Variants in RPS6KC1 observed in about 807,000 individuals in gnomAD.
The protein encoded by RPS6KC1 is ribosomal protein S6 kinase C1.
Under a neutral mutation model 103.8 loss-of-function variants are expected in RPS6KC1, and 54 were observed. That is an observed-to-expected ratio of 0.52 (90% CI 0.42 to 0.65). RPS6KC1 has a LOEUF of 0.65. RPS6KC1 is among the 30% of genes least tolerant of loss of function. RPS6KC1 has a pLI of 0.00. For missense variants in RPS6KC1, 1,151 were observed against 1,253.8 expected, an observed-to-expected ratio of 0.92 and a Z score of 1.24; for synonymous variants, 439 against 438.7, an observed-to-expected ratio of 1.00 and a Z score of -0.01.
Position 213,221,901 on chromosome 1 carries a change from A to G in RPS6KC1, c.1045-8596A>G, listed in dbSNP as rs577727703. 5.3e-5 allele frequency among the ~76,000 whole-genome samples: 8 copies of G among 152,334 alleles called. No homozygotes were observed. In the South Asian group the frequency reaches 1.7e-3, roughly 32 times the overall value. ...AGAAGAGATGTGGATTTTAAGTACAATCTTCATATAATTCTGGTAGATTTG... is the reference window on the plus strand; with the variant it reads ...AGAAGAGATGTGGATTTTAAGTACAGTCTTCATATAATTCTGGTAGATTTG... On this transcript the variant is annotated intron_variant, in intron 8 of 14. Transcript: ENST00000366960.
the RPS6KC1 span, among the ~76,000 whole-genome samples, chr1:213,285,568 C>T: frequency 6.6e-6 from 1 of 152,038 alleles, no homozygotes; most frequent in Non-Finnish European, 1.5e-5. Flanking sequence ...TATGCTCTGA[C>T]CATGTAATAG....
At chr1:213,858,699 T>C in the RPS6KC1 span, among the ~76,000 whole-genome samples, 1 of 152,318 alleles carries the variant, frequency 6.6e-6, no homozygotes, top group South Asian at 2.1e-4. Context: ...CTATGGCATT[T>C]GGCAGTGGCT....
At chr1:213,490,820 G>A in the RPS6KC1 span, among the ~76,000 whole-genome samples, 1 of 152,172 alleles carries the variant, frequency 6.6e-6, no homozygotes, top group Admixed American at 6.5e-5. Context: ...GATTGAGGAG[G>A]GGAGTGTTCT....
chr1:213,342,425 G>A, the RPS6KC1 span, among the ~76,000 whole-genome samples: 1 of 152,292 alleles, frequency 6.6e-6, no homozygotes, highest in Non-Finnish European at 1.5e-5. Flanking sequence ...GTAGGCAACA[G>A]CAGTATTTGG....
At chr1:213,177,157 T>A (rs1386341032) in intron 8 of RPS6KC1, among the ~76,000 whole-genome samples, 1 of 152,192 alleles carries the variant, frequency 6.6e-6, no homozygotes, top group Non-Finnish European at 1.5e-5. Flanking sequence ...TATCTGCCAT[T>A]GTGTATGTGC....
chr1:213,245,966 C>T (rs2094447730), intron 12 of RPS6KC1, among the ~76,000 whole-genome samples: 2 of 152,182 alleles, frequency 1.3e-5, no homozygotes, highest in South Asian at 4.1e-4. Flanking sequence ...GTTTCTATAA[C>T]AAAACTGAGA....
At chr1:213,249,897 A>G (rs2094515745) in intron 12 of RPS6KC1, among the ~76,000 whole-genome samples, 1 of 152,208 alleles carries the variant, frequency 6.6e-6, no homozygotes, top group Non-Finnish European at 1.5e-5. Context: ...AGTGAAATTA[A>G]GGAGTTTTGA....
At chr1:213,179,610 C>G (rs929893388) in intron 8 of RPS6KC1, among the ~76,000 whole-genome samples, 7 of 152,104 alleles carry the variant, frequency 4.6e-5, no homozygotes, top group Non-Finnish European at 8.8e-5. Flanking sequence ...TCCTACAGAA[C>G]ACAGTTTCTT....
At chr1:213,494,116 T>C in the RPS6KC1 span, among the ~76,000 whole-genome samples, 2 of 152,056 alleles carry the variant, frequency 1.3e-5, no homozygotes, top group Non-Finnish European at 1.5e-5. Context: ...AATATGAAGT[T>C]ATACACATTA....
chr1:213,481,912 T>C, the RPS6KC1 span, among the ~76,000 whole-genome samples: 1 of 152,162 alleles, frequency 6.6e-6, no homozygotes, highest in Non-Finnish European at 1.5e-5. Flanking sequence ...ATGAATGGTT[T>C]GGCACCATCC....
chr1:213,536,540 A>C, the RPS6KC1 span, among the ~76,000 whole-genome samples: 2 of 152,212 alleles, frequency 1.3e-5, no homozygotes, highest in African/African-American at 4.8e-5. Flanking sequence ...GTGAGCCTTC[A>C]GCAAATACTG....
At chr1:213,781,265 G>C in the RPS6KC1 span, among the ~76,000 whole-genome samples, 1 of 152,210 alleles carries the variant, frequency 6.6e-6, no homozygotes, top group Non-Finnish European at 1.5e-5. Flanking sequence ...GCAGGGGAAT[G>C]AGAAAAAGGA....
the RPS6KC1 span, among the ~76,000 whole-genome samples, chr1:213,675,222 C>T: frequency 6.6e-6 from 1 of 152,112 alleles, no homozygotes; most frequent in East Asian, 1.9e-4. Flanking sequence ...TAAATTCTTT[C>T]CAAAGGCCAA....
In RPS6KC1 at chr1:213,273,661, T is replaced by C. The variant is rs1430456822; in HGVS notation, c.*1027T>C. ...AATGGCAGTCCTAGTTTGTTACTTA[T>C]GGTGATGAGATTTTCAGATTTGAAC... On this transcript the variant is annotated 3_prime_UTR_variant, in exon 15 of 15. Coordinates refer to ENST00000366960, the MANE Select transcript of RPS6KC1 (RefSeq NM_012424.6). 6.6e-6 allele frequency: 1 copy of C among 152,504 alleles called. No individual in the cohort carries two copies. The highest frequency in any genetic ancestry group is 1.5e-5 in the Non-Finnish European group (1 of 68,044). The allele number at this position is 152,504 out of a possible 1,614,324, so 9.4% of individuals were successfully genotyped here. A position where few individuals can be genotyped will look rare whatever the true frequency, so the allele number is the denominator to read the frequency against.
At chr1:213,080,679 C>T (rs1032390390) in intron 3 of RPS6KC1, among the ~76,000 whole-genome samples, 1 of 152,158 alleles carries the variant, frequency 6.6e-6, no homozygotes, top group South Asian at 2.1e-4. Context: ...ATCCTCCCAC[C>T]TCAGCCCCCC....
chr1:213,418,710 A>C, the RPS6KC1 span, among the ~76,000 whole-genome samples: 1 of 152,166 alleles, frequency 6.6e-6, no homozygotes, highest in Admixed American at 6.5e-5. Flanking sequence ...CCTTGTCAAC[A>C]GGGGTGGAGT....
chr1:213,718,668 G>T, the RPS6KC1 span, among the ~76,000 whole-genome samples: 42 of 152,334 alleles, frequency 2.8e-4, no homozygotes, highest in African/African-American at 9.9e-4. Context: ...CCATCTGCTG[G>T]TAACTGTCTT....
chr1:213,766,569 T>C, the RPS6KC1 span, among the ~76,000 whole-genome samples: 6 of 152,252 alleles, frequency 3.9e-5, no homozygotes, highest in Admixed American at 3.9e-4. Context: ...GTCTTTTTCC[T>C]GTTCTTCTCA....
At chr1:213,507,583 A>G in the RPS6KC1 span, among the ~76,000 whole-genome samples, 1 of 151,484 alleles carries the variant, frequency 6.6e-6, no homozygotes, top group Non-Finnish European at 1.5e-5. Flanking sequence ...TGAAGCATGA[A>G]ACTTATCAGG....
Sources: gnomAD v4.1 joint callset for allele counts (sites outside exome capture counted in the v4.1 genomes callset) on GRCh38, gnomAD v4.1.1 for gene constraint, MANE v1.5 for transcripts, NCBI Gene and HGNC (gene_info 2026-07-23, HGNC 2026-07-21) for gene names.